Variants in KLK13 observed in about 807,000 individuals in gnomAD.
KLK13 encodes kallikrein-13.
In KLK13, 19 loss-of-function variants were observed where a neutral mutation model predicts 22.4. The ratio of observed to expected loss-of-function variants is 0.85; its 90% confidence interval spans 0.59 to 1.24. KLK13 has a LOEUF of 1.24. KLK13 is among the 50% of genes most tolerant of loss of function. The pLI, the probability that KLK13 is intolerant of heterozygous loss-of-function variation, is 0.00. For synonymous variants in KLK13, 156 were observed against 141.8 expected, an observed-to-expected ratio of 1.10 and a Z score of -0.71; for missense variants, 311 against 347.9, an observed-to-expected ratio of 0.89 and a Z score of 0.84.
upstream of KLK13, chr19:51,065,121 A>C: frequency 7.5e-7 from 1 of 1,334,364 alleles, no homozygotes; most frequent in Non-Finnish European, 1.0e-6. Context: ...GGAGAAGGTG[A>C]AGGGGGTGTT....
intron 1 of KLK13, chr19:51,064,537 G>A: frequency 2.2e-6 from 1 of 452,488 alleles, no homozygotes. Context: ...AGTAATAACG[G>A]CTAAGTGGCT....
chr19:51,061,597 T>A (rs1376539327), intron 1 of KLK13, among the ~76,000 whole-genome samples: 2 of 152,200 alleles, frequency 1.3e-5, no homozygotes, highest in Non-Finnish European at 2.9e-5. Context: ...CTCCCAAATA[T>A]CCAGTTATCT....
rs1209982241 is a variant in KLK13, at chr19:51,056,663, C to T, written c.758G>A (p.Arg253Lys). The T allele has an allele frequency of 6.2e-7, 1 of 1,614,050 alleles. No individual in the cohort carries two copies. The highest frequency in any genetic ancestry group is 8.5e-7 in the Non-Finnish European group (1 of 1,180,044). Residue 253 changes from arginine (R) to lysine (K), a missense_variant, in exon 5 of 5, where the codon AGA (arginine) becomes AAA (lysine). Coordinates refer to ENST00000595793, the MANE Select transcript of KLK13 (RefSeq NM_015596.3). Reference protein sequence around the residue: ...DRPGVYTRVSRYVLWIRETIR... With the variant: ...DRPGVYTRVSKYVLWIRETIR... Reference sequence around the variant, plus strand: ...TGTTTCACGGATCCACAGGACGTATCTTGAGACACGGGTGTAGACACCAGG... The same window carrying T: ...TGTTTCACGGATCCACAGGACGTATTTTGAGACACGGGTGTAGACACCAGG...
chr19:51,057,823 G>T (rs2091689667), intron 4 of KLK13, among the ~76,000 whole-genome samples: 1 of 151,914 alleles, frequency 6.6e-6, no homozygotes, highest in South Asian at 2.1e-4. Flanking sequence ...TTTCATTTGG[G>T]GAACTGCCCT....
rs747640099 is a variant in KLK13, at chr19:51,056,675, G to A, written c.746C>T (p.Thr249Ile). The stretch of plus-strand genomic sequence containing the variant: ...CCACAGGACGTATCTTGAGACACGG[G>A]TGTAGACACCAGGCCGGTCAGGTTG... ...CGQPDRPGVY[T>I]RVSRYVLWIR... The change falls in exon 5 of 5, where the codon ACC becomes ATC. Residue 249 changes from threonine (T) to isoleucine (I), a missense_variant. Coordinates refer to ENST00000595793, the MANE Select transcript of KLK13 (RefSeq NM_015596.3). 5 of 1,614,076 alleles carry A rather than the reference G, an allele frequency of 3.1e-6. No homozygotes were observed. The African/African-American group carries it at 6.7e-5, about 22-fold the overall frequency.
chr19:51,060,655 C>T (rs764089781), intron 1 of KLK13, 36 bp from the exon 2 acceptor site: 23 of 1,530,340 alleles, frequency 1.5e-5, no homozygotes, highest in Middle Eastern at 1.9e-4. Flanking sequence ...AAACTGGGAT[C>T]CAGGGGGCAG....
intron 4 of KLK13, 76 bp downstream of exon 4, chr19:51,058,462 C>A: frequency 6.4e-7 from 1 of 1,569,222 alleles, no homozygotes; most frequent in South Asian, 1.1e-5. Context: ...GGAAACAAAG[C>A]TTTTTCCCCA....
chr19:51,060,116 G>A (rs750810236), intron 2 of KLK13, 23 bp from the exon 3 acceptor site: 3 of 1,611,446 alleles, frequency 1.9e-6, no homozygotes, highest in Non-Finnish European at 2.5e-6. Context: ...AAAGAAGGTG[G>A]TTAGGAAAGA....
intron 3 of KLK13, 186 bp downstream of exon 3, chr19:51,059,639 C>G (rs1345912143): frequency 3.1e-5 from 10 of 324,906 alleles, no homozygotes; most frequent in Non-Finnish European, 4.8e-5. Context: ...TTTATATACT[C>G]ATATTTTTAT....
chr19:51,062,848 A>G (rs747755643), intron 1 of KLK13, among the ~76,000 whole-genome samples: 6 of 152,182 alleles, frequency 3.9e-5, no homozygotes, highest in Non-Finnish European at 5.9e-5. Context: ...ATTAGCTACA[A>G]CAGGAGGTCC....
At chr19:51,063,925 C>A (rs906900130) in intron 1 of KLK13, 5 of 437,808 alleles carry the variant, frequency 1.1e-5, no homozygotes, top group Non-Finnish European at 1.8e-5. Flanking sequence ...CTGCGTCTGT[C>A]CCCGCTAGAC....
Position 51,056,275 on chromosome 19 carries a change from C to T in KLK13, c.*312G>A, listed in dbSNP as rs2091674542. 3 of 329,998 alleles carry T rather than the reference C, an allele frequency of 9.1e-6. No individual in the cohort carries two copies. In the South Asian group the frequency reaches 1.3e-4, roughly 15 times the overall value. The allele number at this position is 329,998 out of a possible 1,614,324, so 20.4% of individuals were successfully genotyped here. A position where few individuals can be genotyped will look rare whatever the true frequency, so the allele number is the denominator to read the frequency against. ...CTGATGGAAATATTTAAGAATGTGCCACAGACAGAACGTTCAGGTGGTGAT... is the reference window on the plus strand; with the variant it reads ...CTGATGGAAATATTTAAGAATGTGCTACAGACAGAACGTTCAGGTGGTGAT... On this transcript the variant is annotated 3_prime_UTR_variant, in exon 5 of 5. Coordinates refer to ENST00000595793, the MANE Select transcript of KLK13 (RefSeq NM_015596.3).
chr19:51,057,188 T>C lies in KLK13; in HGVS notation c.646-413A>G, dbSNP rs539815022. 3.3e-5 allele frequency among the ~76,000 whole-genome samples: 5 copies of C among 152,240 alleles called. No homozygotes were observed. In the South Asian group the frequency reaches 1.0e-3, roughly 32 times the overall value. ...CTCCTATTTAAGGCTCATTTGTGTC[T>C]CTCACTATTGAGTGAACCCATTCAT... On this transcript the variant is annotated intron_variant, in intron 4 of 4. Transcript: ENST00000595793.
intron 1 of KLK13, among the ~76,000 whole-genome samples, chr19:51,062,518 A>T (rs2091739542): frequency 6.6e-6 from 1 of 152,226 alleles, no homozygotes; most frequent in African/African-American, 2.4e-5. Context: ...CCATATTCCC[A>T]GGACCTAACA....
At chr19:51,057,960 C>T (rs1057259452) in intron 4 of KLK13, among the ~76,000 whole-genome samples, 1 of 152,200 alleles carries the variant, frequency 6.6e-6, no homozygotes, top group African/African-American at 2.4e-5. Context: ...AGACACATGA[C>T]TTAGGTCAGC....
Position 51,065,080 on chromosome 19 carries a change from G to C in KLK13, c.-13C>G, listed in dbSNP as rs755438744. ...CCAGGGGCCACATGGCTCCGGGATC[G>C]GGAGGGGAGGGCAGGGCGGGCGGGG... On this transcript the variant is annotated 5_prime_UTR_variant, in exon 1 of 5. Transcript: ENST00000595793. 7 of 1,528,040 alleles carry C rather than the reference G, an allele frequency of 4.6e-6. No homozygotes were observed. Among genetic ancestry groups the C allele is most frequent in the Non-Finnish European group, 5.3e-6 (6 of 1,131,608 alleles). The allele number at this position is 1,528,040 out of a possible 1,614,324, so 94.7% of individuals were successfully genotyped here. A position where few individuals can be genotyped will look rare whatever the true frequency, so the allele number is the denominator to read the frequency against.
intron 4 of KLK13, 36 bp downstream of exon 4, chr19:51,058,502 T>A (rs776789666): frequency 1.9e-6 from 3 of 1,613,192 alleles, no homozygotes; most frequent in Non-Finnish European, 2.5e-6. Flanking sequence ...TGGCTTTCTA[T>A]CCTGTCCAAG....
chr19:51,065,190 CTCAT>C, upstream of KLK13: 1 of 646,824 alleles, frequency 1.5e-6, no homozygotes, highest in Non-Finnish European at 2.6e-6. Context: ...GTCTCCTCGC[CTCAT>C]TCACTCTTGA....
chr19:51,058,037 G>C (rs570431119), intron 4 of KLK13, among the ~76,000 whole-genome samples: 13 of 152,242 alleles, frequency 8.5e-5, no homozygotes, highest in East Asian at 7.7e-4. Flanking sequence ...TTTCTAATAG[G>C]GTTGCCTAGA....
Sources: allele counts gnomAD v4.1 joint callset (sites outside exome capture counted in the v4.1 genomes callset), GRCh38; gene constraint gnomAD v4.1.1; transcripts MANE v1.5; gene names NCBI Gene and HGNC (gene_info 2026-07-23, HGNC 2026-07-21).